The following ITGA8 variants were observed in gnomAD, a reference collection of about 807,000 sequenced individuals.
ITGA8 encodes the protein integrin alpha-8.
ITGA8 carries 91 observed loss-of-function variants against 142.3 expected under a neutral mutation model. That is an observed-to-expected ratio of 0.64 (90% CI 0.54 to 0.76). The LOEUF (loss-of-function observed/expected upper bound fraction) is 0.76. ITGA8 is among the 30% of genes least tolerant of loss of function. The pLI, the probability that ITGA8 is intolerant of heterozygous loss-of-function variation, is 0.00. For missense variants in ITGA8, 1,406 were observed against 1,327.7 expected (o/e 1.06, Z -0.92); for synonymous variants, 505 against 485.2 (o/e 1.04, Z -0.54).
rs55987735 is a variant in ITGA8, at chr10:15,573,414, CT to C, written c.2479-1046del. 4.8e-3 allele frequency among the ~76,000 whole-genome samples: 713 copies of C among 148,456 alleles called. 4 individuals carry two copies. Among genetic ancestry groups the C allele is most frequent in the African/African-American group, 0.014 (562 of 40,418 alleles). On this transcript the variant is annotated intron_variant, in intron 24 of 29. Coordinates refer to ENST00000378076, the MANE Select transcript of ITGA8 (RefSeq NM_003638.3). ...ACAGCTTTATTAAATTATTTGACAG[CT>C]TTTTTTTTTTCTTTTTTCCAGTGAG...
chr10:15,653,907 T>C (rs1171917721), intron 11 of ITGA8, among the ~76,000 whole-genome samples: 1 of 151,736 alleles, frequency 6.6e-6, no homozygotes, highest in African/African-American at 2.4e-5. Context: ...CAATCACGGC[T>C]CACTGCAACC....
intron 3 of ITGA8, among the ~76,000 whole-genome samples, chr10:15,684,663 G>T (rs1480559884): frequency 6.8e-6 from 1 of 147,602 alleles, no homozygotes; most frequent in East Asian, 2.0e-4. Flanking sequence ...AAGAGCCACA[G>T]CACCTAGGCC....
At chr10:15,556,805 T>C (rs1351109674) in intron 26 of ITGA8, among the ~76,000 whole-genome samples, 2 of 152,240 alleles carry the variant, frequency 1.3e-5, no homozygotes, top group Non-Finnish European at 2.9e-5. Context: ...TTATTCATTC[T>C]ATCTAACTAT....
intron 8 of ITGA8, among the ~76,000 whole-genome samples, chr10:15,668,683 C>T (rs964080790): frequency 1.3e-5 from 2 of 151,962 alleles, no homozygotes; most frequent in Admixed American, 1.3e-4. Context: ...ATGTTTAGTG[C>T]TTCCTTCAGG....
At chr10:15,593,213 C>G (rs1832955063) in intron 21 of ITGA8, among the ~76,000 whole-genome samples, 1 of 152,100 alleles carries the variant, frequency 6.6e-6, no homozygotes, top group Admixed American at 6.6e-5. Flanking sequence ...ATTTTTAAAA[C>G]TGCTTTTATT....
At chr10:15,532,764 G>A (rs1054768971) in intron 27 of ITGA8, among the ~76,000 whole-genome samples, 2 of 151,830 alleles carry the variant, frequency 1.3e-5, no homozygotes, top group African/African-American at 2.4e-5. Flanking sequence ...TTTGGGTGCC[G>A]GTTGTTAAAC....
At chr10:15,553,696 G>T (rs1478105613) in intron 26 of ITGA8, among the ~76,000 whole-genome samples, 1 of 152,044 alleles carries the variant, frequency 6.6e-6, no homozygotes, top group Non-Finnish European at 1.5e-5. Context: ...AGGGCTCTTG[G>T]CTATGACTAA....
At chr10:15,657,509 C>CTTTTTTTTTTTTTTTTTTTTTTTTTTTTT (rs534714654) in intron 10 of ITGA8, among the ~76,000 whole-genome samples, 2 of 116,500 alleles carry the variant, frequency 1.7e-5, no homozygotes, top group Non-Finnish European at 1.8e-5. Context: ...TCTTTTCTTT[C>CTTTTTTTTTTTTTTTTTTTTTTTTTTTTT]ATTTTTTTTT....
At chr10:15,546,484 C>A (rs1241781242) in intron 27 of ITGA8, among the ~76,000 whole-genome samples, 1 of 152,132 alleles carries the variant, frequency 6.6e-6, no homozygotes, top group Non-Finnish European at 1.5e-5. Context: ...GATGTTGTCC[C>A]CTGAGGACAT....
intron 13 of ITGA8, among the ~76,000 whole-genome samples, chr10:15,634,230 T>C (rs560262132): frequency 3.3e-5 from 5 of 152,326 alleles, no homozygotes; most frequent in Admixed American, 6.5e-5. Flanking sequence ...TTACAGTTCA[T>C]TGTTGGATGT....
intron 27 of ITGA8, among the ~76,000 whole-genome samples, chr10:15,535,906 T>C (rs991038812): frequency 4.6e-5 from 7 of 151,956 alleles, no homozygotes; most frequent in African/African-American, 1.7e-4. Flanking sequence ...CTCGAAGGTC[T>C]GCAGCTTCAC....
At chr10:15,684,239 G>T (rs1834795658) in intron 3 of ITGA8, 112 bp from the exon 4 acceptor site, 8 of 1,145,840 alleles carry the variant, frequency 7.0e-6, no homozygotes, top group Non-Finnish European at 9.7e-6. Context: ...GAATTAATTG[G>T]CCTCTAGCAT....
At chr10:15,692,930 C>A (rs1834961863) in intron 2 of ITGA8, among the ~76,000 whole-genome samples, 2 of 152,072 alleles carry the variant, frequency 1.3e-5, no homozygotes, top group Admixed American at 1.3e-4. Context: ...TAGCTGGGCG[C>A]AGTGATGCAC....
chr10:15,585,850 C>T (rs559697081), intron 23 of ITGA8, among the ~76,000 whole-genome samples: 2 of 152,172 alleles, frequency 1.3e-5, no homozygotes, highest in Admixed American at 1.3e-4. Context: ...TAGATCCAAT[C>T]GACCCTTGCA....
chr10:15,690,397 C>T (rs1834911637), intron 2 of ITGA8, among the ~76,000 whole-genome samples: 1 of 152,218 alleles, frequency 6.6e-6, no homozygotes, highest in Non-Finnish European at 1.5e-5. Flanking sequence ...CCCTCACACC[C>T]AGGATCACTG....
chr10:15,687,823 C>G (rs752556516), intron 3 of ITGA8, 115 bp downstream of exon 3: 5 of 641,466 alleles, frequency 7.8e-6, no homozygotes, highest in East Asian at 7.7e-5. Context: ...ACAGCCTTAT[C>G]GTTGAAAGTC....
chr10:15,668,816 A>G (rs1834449315), intron 8 of ITGA8, among the ~76,000 whole-genome samples: 1 of 152,178 alleles, frequency 6.6e-6, no homozygotes, highest in Admixed American at 6.5e-5. Context: ...TGTGTTGAAA[A>G]TTCTTTTCTT....
intron 2 of ITGA8, among the ~76,000 whole-genome samples, chr10:15,710,763 A>T (rs1023659661): frequency 1.2e-4 from 19 of 152,268 alleles, no homozygotes; most frequent in African/African-American, 4.3e-4. Context: ...CTGGAATAGA[A>T]CTACAACCTG....
chr10:15,551,618 T>C (rs963200565), intron 26 of ITGA8, among the ~76,000 whole-genome samples: 2 of 152,118 alleles, frequency 1.3e-5, no homozygotes, highest in African/African-American at 4.8e-5. Flanking sequence ...TTTTCAGTGT[T>C]TTAGATACAA....
Sources: allele counts gnomAD v4.1 joint callset (sites outside exome capture counted in the v4.1 genomes callset), GRCh38; gene constraint gnomAD v4.1.1; transcripts MANE v1.5; gene names NCBI Gene and HGNC (gene_info 2026-07-23, HGNC 2026-07-21).